UBE2L3: variants seen among roughly 807,000 people sequenced by gnomAD.
UBE2L3 encodes the protein ubiquitin conjugating enzyme E2 L3.
Under a neutral mutation model 17.8 loss-of-function variants are expected in UBE2L3, and 1 was observed. That is an observed-to-expected ratio of 0.06 (90% CI 0.02 to 0.27). The LOEUF is 0.27. Ranked by LOEUF, UBE2L3 falls within the 10% of genes least tolerant of loss-of-function variation. The pLI is 1.00. For missense variants in UBE2L3, 40 were observed against 192.6 expected (o/e 0.21, Z 4.69); for synonymous variants, 44 against 68.5 (o/e 0.64, Z 1.76).
chr22:21,558,626 T>A (rs1926322298), intron 1 of UBE2L3, among the ~76,000 whole-genome samples: 2 of 139,340 alleles, frequency 1.4e-5, no homozygotes, highest in Admixed American at 7.0e-5. Context: ...TGAGACTCTG[T>A]CTCAAAAAAA....
chr22:21,611,980 C>G (rs1659210543), intron 3 of UBE2L3, among the ~76,000 whole-genome samples: 1 of 152,072 alleles, frequency 6.6e-6, no homozygotes, highest in South Asian at 2.1e-4. Flanking sequence ...TCCTACCTTA[C>G]CAGGTGCACG....
chr22:21,574,211 A>G (rs1054928256), intron 1 of UBE2L3, among the ~76,000 whole-genome samples: 4 of 152,200 alleles, frequency 2.6e-5, no homozygotes, highest in African/African-American at 9.7e-5. Context: ...GCTTTTGCTC[A>G]GAGCAAAGCT....
intron 3 of UBE2L3, among the ~76,000 whole-genome samples, chr22:21,614,378 C>T (rs1371155509): frequency 1.3e-5 from 2 of 150,884 alleles, no homozygotes; most frequent in East Asian, 3.9e-4. Context: ...TTGCTTGAGC[C>T]AAGGAGTTTG....
intron 2 of UBE2L3, among the ~76,000 whole-genome samples, chr22:21,607,035 T>C (rs1929210854): frequency 6.6e-6 from 1 of 152,212 alleles, no homozygotes; most frequent in South Asian, 2.1e-4. Context: ...TTATGTCATC[T>C]TATCCATCCT....
At chr22:21,581,056 T>TG (rs983753743) in intron 1 of UBE2L3, among the ~76,000 whole-genome samples, 3 of 91,848 alleles carry the variant, frequency 3.3e-5, no homozygotes, top group African/African-American at 9.4e-5. Flanking sequence ...GCCCGGCTAA[T>TG]TTTTTTTTTT....
chr22:21,565,718 GCA>G (rs976026892), upstream of UBE2L3, among the ~76,000 whole-genome samples: 1 of 112,800 alleles, frequency 8.9e-6, no homozygotes, highest in African/African-American at 3.4e-5. Context: ...ATGCCATTTT[GCA>G]CTCCACCCTG....
chr22:21,559,517 T>C (rs1434336680), intron 1 of UBE2L3, among the ~76,000 whole-genome samples: 2 of 152,212 alleles, frequency 1.3e-5, no homozygotes, highest in East Asian at 3.9e-4. Flanking sequence ...GTGCTCTGGG[T>C]GAGGAATGTG....
rs1930070859 is a variant in UBE2L3 at position 21,622,269 on chromosome 22, C to T, written c.*600C>T. On this transcript the variant is annotated 3_prime_UTR_variant, in exon 4 of 4. Transcript: ENST00000342192. ...GCCACACCCCTCCTCCAGTCCTTCT[C>T]CTCAGTTCTTGTGTGAAACTCCAGC... is the stretch of plus-strand genomic sequence containing the variant. 1 of 152,934 alleles carries T rather than the reference C, an allele frequency of 6.5e-6. No homozygotes were observed. The highest frequency in any genetic ancestry group is 1.5e-5 in the Non-Finnish European group (1 of 68,586). 9.5% of individuals were successfully genotyped at this position (152,934 alleles called of 1,614,324 possible).
chr22:21,589,163 TGAGACGGAG>T (rs1928117707), intron 1 of UBE2L3, among the ~76,000 whole-genome samples: 1 of 149,460 alleles, frequency 6.7e-6, no homozygotes, highest in Non-Finnish European at 1.5e-5. Flanking sequence ...TTTTTTTTTT[TGAGACGGAG>T]TCTCGCTCTG....
intron 3 of UBE2L3, among the ~76,000 whole-genome samples, chr22:21,615,726 C>T (rs1312239575): frequency 6.6e-6 from 1 of 152,172 alleles, no homozygotes; most frequent in South Asian, 2.1e-4. Context: ...TCTCGGCACT[C>T]GTCTATCACA....
intron 2 of UBE2L3, among the ~76,000 whole-genome samples, chr22:21,604,578 A>G (rs1929047500): frequency 6.6e-6 from 1 of 152,214 alleles, no homozygotes; most frequent in Admixed American, 6.5e-5. Context: ...ATTTTCTGCA[A>G]TGTTTTATAA....
chr22:21,593,935 T>G (rs16978746), intron 2 of UBE2L3, among the ~76,000 whole-genome samples: 2,160 of 152,266 alleles, frequency 0.014, 50 homozygotes, highest in African/African-American at 0.05. Flanking sequence ...CCTACTACTT[T>G]CGGCATCATA....
At chr22:21,559,983 G>C (rs1430776608) in intron 1 of UBE2L3, among the ~76,000 whole-genome samples, 1 of 152,304 alleles carries the variant, frequency 6.6e-6, no homozygotes, top group Non-Finnish European at 1.5e-5. Flanking sequence ...CAGGAGGGTA[G>C]TATGGTGCGA....
At chr22:21,564,433 T>C (rs1439372616), upstream of UBE2L3, among the ~76,000 whole-genome samples, 2 of 152,152 alleles carry the variant, frequency 1.3e-5, no homozygotes, top group Non-Finnish European at 2.9e-5. Flanking sequence ...AAGCCAGGCC[T>C]GCTAGAGGGA....
intron 1 of UBE2L3, among the ~76,000 whole-genome samples, chr22:21,574,080 C>G (rs1336589952): frequency 6.6e-6 from 1 of 152,154 alleles, no homozygotes; most frequent in Non-Finnish European, 1.5e-5. Context: ...TGGCATGCCA[C>G]TCACTCAGAA....
chr22:21,605,630 C>G (rs913086403), intron 2 of UBE2L3, among the ~76,000 whole-genome samples: 1 of 151,964 alleles, frequency 6.6e-6, no homozygotes, highest in Non-Finnish European at 1.5e-5. Context: ...CTCAGCCTCC[C>G]AAGTAGCTGG....
chr22:21,595,652 A>G (rs1363776852), intron 2 of UBE2L3, among the ~76,000 whole-genome samples: 2 of 152,100 alleles, frequency 1.3e-5, no homozygotes, highest in Non-Finnish European at 2.9e-5. Context: ...CCCTTTAAAC[A>G]TTTGTTTTTC....
intron 1 of UBE2L3, among the ~76,000 whole-genome samples, chr22:21,581,167 A>G (rs981922632): frequency 7.3e-5 from 11 of 149,850 alleles, no homozygotes; most frequent in African/African-American, 2.7e-4. Flanking sequence ...CAATTCTCCC[A>G]CCTCAGCCCC....
At chr22:21,583,744 C>T (rs894065477) in intron 1 of UBE2L3, among the ~76,000 whole-genome samples, 1 of 152,158 alleles carries the variant, frequency 6.6e-6, no homozygotes, top group African/African-American at 2.4e-5. Flanking sequence ...GCTTAGACCA[C>T]GTGAAGGTAG....
Sources: allele counts gnomAD v4.1 joint callset (sites outside exome capture counted in the v4.1 genomes callset), GRCh38; gene constraint gnomAD v4.1.1; transcripts MANE v1.5; gene names NCBI Gene and HGNC (gene_info 2026-07-23, HGNC 2026-07-21).